ADARB2: variants seen among roughly 807,000 people sequenced by gnomAD.
ADARB2 encodes the protein adenosine deaminase RNA specific B2 (inactive), also known as inactive double-stranded RNA-specific editase B2.
Under a neutral mutation model 62.2 loss-of-function variants are expected in ADARB2, and 25 were observed. The ratio of observed to expected loss-of-function variants is 0.40; its 90% CI spans 0.29 to 0.56. The LOEUF is 0.56. Among genes scored for constraint, ADARB2 ranks in the 20% least tolerant of loss-of-function variants. ADARB2 has a pLI of 0.43. For missense variants in ADARB2, 1,071 were observed against 1,077.4 expected, an observed-to-expected ratio of 0.99 and a Z score of 0.08; for synonymous variants, 572 against 500.8, an observed-to-expected ratio of 1.14 and a Z score of -1.90.
At chr10:1,390,196 AG>A (rs1262018061) in intron 1 of ADARB2, among the ~76,000 whole-genome samples, 1 of 152,248 alleles carries the variant, frequency 6.6e-6, no homozygotes, top group Non-Finnish European at 1.5e-5. Context: ...TGAGCAAAAA[AG>A]TCTGGGCACA....
At chr10:1,395,259 C>A (rs1180692786) in intron 1 of ADARB2, among the ~76,000 whole-genome samples, 1 of 152,126 alleles carries the variant, frequency 6.6e-6, no homozygotes, top group Non-Finnish European at 1.5e-5. Context: ...CTGATGACAC[C>A]GTCTTGAATC....
At chr10:1,732,575 T>C (rs1835248015) in intron 1 of ADARB2, among the ~76,000 whole-genome samples, 1 of 152,228 alleles carries the variant, frequency 6.6e-6, no homozygotes, top group Non-Finnish European at 1.5e-5. Flanking sequence ...ACCACACAAT[T>C]AGGTGCTGGT....
intron 3 of ADARB2, among the ~76,000 whole-genome samples, chr10:1,278,737 C>G (rs138039062): frequency 1.9e-4 from 29 of 152,250 alleles, no homozygotes; most frequent in Non-Finnish European, 4.4e-5. Flanking sequence ...CTGCAATCCA[C>G]TGCCTTTAGA....
intron 9 of ADARB2, among the ~76,000 whole-genome samples, chr10:1,183,975 G>A (rs74469790): frequency 0.042 from 6,451 of 152,294 alleles, 188 homozygotes; most frequent in Non-Finnish European, 0.067. Flanking sequence ...CTTTTGCTCA[G>A]CAGGACAGCA....
At chr10:1,650,636 C>G (rs566839166) in intron 1 of ADARB2, among the ~76,000 whole-genome samples, 1 of 152,314 alleles carries the variant, frequency 6.6e-6, no homozygotes, top group South Asian at 2.1e-4. Context: ...CTGTCCCTTA[C>G]TATCTTAAAT....
chr10:1,625,901 G>GCCTGACCGCCCCACTTCTCACGCCTCGT (rs1343248584), intron 1 of ADARB2, among the ~76,000 whole-genome samples: 3 of 152,156 alleles, frequency 2.0e-5, no homozygotes, highest in Admixed American at 6.5e-5. Context: ...TCACGCCTCT[G>GCCTGACCGCCCCACTTCTCACGCCTCGT]CCTGACCCTG....
At chr10:1,266,049 T>G (rs1350677995) in intron 4 of ADARB2, among the ~76,000 whole-genome samples, 1 of 127,094 alleles carries the variant, frequency 7.9e-6, no homozygotes, top group Admixed American at 8.1e-5. Context: ...GAAGACGGCC[T>G]GAGCCAGGTC....
chr10:1,292,101 T>G (rs1589180647), intron 3 of ADARB2: 1 of 152,438 alleles, frequency 6.6e-6, no homozygotes, highest in African/African-American at 2.4e-5. Flanking sequence ...TAAGCTGACT[T>G]GACCTTGTCT....
intron 1 of ADARB2, among the ~76,000 whole-genome samples, chr10:1,417,532 G>A (rs761152579): frequency 1.3e-5 from 2 of 152,210 alleles, no homozygotes; most frequent in Middle Eastern, 3.2e-3. Context: ...ACACGTGAAC[G>A]AACACAGTGG....
intron 4 of ADARB2, among the ~76,000 whole-genome samples, chr10:1,263,119 C>T (rs973081189): frequency 4.6e-4 from 50 of 108,560 alleles, no homozygotes; most frequent in Admixed American, 2.1e-3. Context: ...CATCACACAC[C>T]GGGGCCTGTT....
intron 1 of ADARB2, among the ~76,000 whole-genome samples, chr10:1,407,607 G>C (rs1832718041): frequency 6.6e-6 from 1 of 152,190 alleles, no homozygotes; most frequent in Admixed American, 6.5e-5. Context: ...AGGAGTCCCG[G>C]CTGCCCTTCC....
intron 1 of ADARB2, among the ~76,000 whole-genome samples, chr10:1,689,659 A>T (rs994799685): frequency 1.3e-5 from 2 of 152,224 alleles, no homozygotes; most frequent in Admixed American, 6.5e-5. Flanking sequence ...CAGTTCACCT[A>T]ACTTGATGGG....
At chr10:1,672,134 G>T (rs1027899083) in intron 1 of ADARB2, among the ~76,000 whole-genome samples, 1 of 151,860 alleles carries the variant, frequency 6.6e-6, no homozygotes, top group African/African-American at 2.4e-5. Flanking sequence ...GAGTCAGTAT[G>T]TGGGGTGGGT....
intron 1 of ADARB2, among the ~76,000 whole-genome samples, chr10:1,586,140 TC>T (rs1833178092): frequency 6.6e-6 from 1 of 152,206 alleles, no homozygotes; most frequent in African/African-American, 2.4e-5. Flanking sequence ...CATGGGTGCA[TC>T]CTTAACCTTG....
chr10:1,599,490 A>G (rs79204447), intron 1 of ADARB2, among the ~76,000 whole-genome samples: 5,397 of 152,310 alleles, frequency 0.035, 340 homozygotes, highest in African/African-American at 0.12. Flanking sequence ...TCCTGTGTAC[A>G]GGGAAGCACG....
intron 1 of ADARB2, among the ~76,000 whole-genome samples, chr10:1,415,903 G>T (rs1832797553): frequency 6.6e-6 from 1 of 152,122 alleles, no homozygotes; most frequent in African/African-American, 2.4e-5. Context: ...GGAACTCCTA[G>T]GGTAGTCATA....
intron 4 of ADARB2, among the ~76,000 whole-genome samples, chr10:1,264,742 T>A (rs934486895): frequency 1.3e-5 from 2 of 152,232 alleles, no homozygotes; most frequent in East Asian, 3.8e-4. Context: ...ACCACTTCCC[T>A]CAGAAGGGTT....
chr10:1,453,138 G>A (rs1297318425), intron 1 of ADARB2, among the ~76,000 whole-genome samples: 1 of 152,166 alleles, frequency 6.6e-6, no homozygotes, highest in African/African-American at 2.4e-5. Flanking sequence ...TGCAAAACGT[G>A]GCCTTGAAGG....
intron 4 of ADARB2, among the ~76,000 whole-genome samples, chr10:1,246,035 T>C (rs1356954505): frequency 1.3e-5 from 2 of 151,636 alleles, no homozygotes; most frequent in African/African-American, 4.8e-5. Flanking sequence ...CCATTCTAAC[T>C]GGTGTGAGAT....
Sources: gnomAD v4.1 joint callset for allele counts (sites outside exome capture counted in the v4.1 genomes callset) on GRCh38, gnomAD v4.1.1 for gene constraint, MANE v1.5 for transcripts, NCBI Gene and HGNC (gene_info 2026-07-23, HGNC 2026-07-21) for gene names.